Variants in SYNE2 observed in about 807,000 individuals in gnomAD.
SYNE2 encodes the protein nesprin-2.
A neutral mutation model predicts 856.3 loss-of-function variants in SYNE2; 431 were observed. That is an observed-to-expected ratio of 0.50 (90% CI 0.47 to 0.55). The LOEUF is 0.55. Ranked by LOEUF, SYNE2 falls within the 20% of genes least tolerant of loss-of-function variation. The pLI is 0.00. For synonymous variants in SYNE2, 2,923 were observed against 2,872.3 expected, an observed-to-expected ratio of 1.02 and a Z score of -0.56; for missense variants, 8,129 against 8,023.2, an observed-to-expected ratio of 1.01 and a Z score of -0.50.
chr14:63,852,252 G>T (rs1204583398), upstream of SYNE2, among the ~76,000 whole-genome samples: 1 of 152,160 alleles, frequency 6.6e-6, no homozygotes, highest in Non-Finnish European at 1.5e-5. Flanking sequence ...TAGTAATACG[G>T]TAATCACAGC....
At chr14:63,918,543 C>T (rs2095558809) in intron 2 of SYNE2, among the ~76,000 whole-genome samples, 1 of 152,168 alleles carries the variant, frequency 6.6e-6, no homozygotes, top group Non-Finnish European at 1.5e-5. Flanking sequence ...ATATGTGTCT[C>T]TTTGGGAGAG....
At chr14:63,804,483 TTTTCTTTTCC>T (rs1200026730) in intron 1 of SYNE2, among the ~76,000 whole-genome samples, 3 of 152,046 alleles carry the variant, frequency 2.0e-5, no homozygotes, top group Non-Finnish European at 4.4e-5. Context: ...TTTTCTTTTC[TTTTCTTTTCC>T]TTTCTTTTCC....
At position 64,052,539 on chromosome 14, in the gene SYNE2, A is replaced by C. The variant is rs1322044514; in HGVS notation, c.8626A>C (p.Thr2876Pro). ...TEAELKHHHVTLEASQKELQE... is the reference protein window; with the variant it reads ...TEAELKHHHVPLEASQKELQE... The stretch of plus-strand genomic sequence containing the variant: ...AGCTGAACTAAAACATCACCATGTT[A>C]CTTTGGAGGCATCTCAGAAGGAATT... Residue 2876 changes from threonine to proline, a missense_variant, in exon 48 of 116, where the codon ACT becomes CCT. By Grantham distance (38) the Thr-to-Pro change is conservative. Transcript: ENST00000555002. 1.9e-6 allele frequency: 3 copies of C among 1,614,176 alleles called. No homozygotes were observed. In the Admixed American group the frequency reaches 5.0e-5, roughly 27 times the overall value.
chr14:63,907,018 T>G (rs1347761429), intron 1 of SYNE2, among the ~76,000 whole-genome samples: 2 of 152,170 alleles, frequency 1.3e-5, no homozygotes, highest in Non-Finnish European at 2.9e-5. Flanking sequence ...CCCCACCTCC[T>G]AATACCGTGA....
chr14:64,093,487 T>C lies in SYNE2; in HGVS notation c.12108+7T>C. The C allele has an allele frequency of 6.2e-7, 1 of 1,614,122 alleles. No homozygotes were observed. Among genetic ancestry groups the C allele is most frequent in the Non-Finnish European group, 8.5e-7 (1 of 1,179,990 alleles). ...CAAGCTGCCACAACTACAGGTATGT[T>C]TCTTTCATTCATAAAGGTATGTTTC... On this transcript the variant is annotated splice_region_variant and intron_variant, in intron 61 of 115. Transcript: ENST00000555002.
intron 45 of SYNE2, among the ~76,000 whole-genome samples, chr14:64,036,551 A>T (rs2097092130): frequency 1.3e-5 from 2 of 152,030 alleles, no homozygotes; most frequent in South Asian, 4.2e-4. Context: ...GGCCTCCTAA[A>T]ATGCTGGGAT....
In SYNE2 at chr14:63,946,045, C is replaced by T. The variant is rs145841769; in HGVS notation, c.409-3780C>T. The stretch of plus-strand genomic sequence containing the variant: ...AATTTATACTCACCAGAGTTTCTTG[C>T]TCCAATCCCTGTTGCTAATACTTGG... On this transcript the variant is annotated intron_variant, in intron 6 of 115. Coordinates refer to ENST00000555002, the MANE Select transcript of SYNE2 (RefSeq NM_182914.3). 5.2e-3 allele frequency among the ~76,000 whole-genome samples: 789 copies of T among 152,264 alleles called. 5 individuals carry two copies. Among genetic ancestry groups the T allele is most frequent in the African/African-American group, 0.018 (748 of 41,560 alleles).
intron 1 of SYNE2, among the ~76,000 whole-genome samples, chr14:63,779,964 A>C (rs1237001743): frequency 6.6e-6 from 1 of 152,206 alleles, no homozygotes; most frequent in African/African-American, 2.4e-5. Context: ...ATGAATAAGT[A>C]AAACTTTCAG....
At chr14:64,007,331 C>A in intron 31 of SYNE2, 109 bp downstream of exon 31, 3 of 1,019,698 alleles carry the variant, frequency 2.9e-6, no homozygotes, top group Non-Finnish European at 1.6e-6. Context: ...AAAGGAGGGA[C>A]AAACATAAGG....
chr14:63,932,324 G>T (rs2095768450), intron 2 of SYNE2, among the ~76,000 whole-genome samples: 1 of 152,226 alleles, frequency 6.6e-6, no homozygotes, highest in African/African-American at 2.4e-5. Flanking sequence ...GGAGGTTGCA[G>T]TGAGCCGAGA....
chr14:64,224,362 C>G (rs946678134), intron 113 of SYNE2, 99 bp from the exon 114 acceptor site: 1 of 1,190,158 alleles, frequency 8.4e-7, no homozygotes, highest in African/African-American at 1.5e-5. Flanking sequence ...CAAAACAAAA[C>G]AAAAAAAGAT....
intron 66 of SYNE2, among the ~76,000 whole-genome samples, chr14:64,118,128 T>C (rs779209739): frequency 7.2e-5 from 11 of 152,152 alleles, no homozygotes; most frequent in Non-Finnish European, 1.0e-4. Context: ...TTAAGGAAAA[T>C]TTTTAATTCC....
At chr14:64,214,801 G>A (rs1474784184) in intron 106 of SYNE2, among the ~76,000 whole-genome samples, 2 of 152,092 alleles carry the variant, frequency 1.3e-5, no homozygotes, top group Non-Finnish European at 2.9e-5. Context: ...GTGCAGTGGT[G>A]CGACCACGGC....
intron 1 of SYNE2, among the ~76,000 whole-genome samples, chr14:63,907,119 T>C (rs76925905): frequency 0.015 from 2,225 of 152,330 alleles, 49 homozygotes; most frequent in African/African-American, 0.05. Flanking sequence ...TCTCCAGCTT[T>C]AAGTGATGGG....
intron 6 of SYNE2, among the ~76,000 whole-genome samples, chr14:63,949,203 T>C (rs1223124284): frequency 6.6e-6 from 1 of 152,174 alleles, no homozygotes; most frequent in African/African-American, 2.4e-5. Context: ...AATTTGTACA[T>C]TTACTAGCAA....
At chr14:63,824,011 A>T (rs1448367497) in intron 1 of SYNE2, among the ~76,000 whole-genome samples, 2 of 152,186 alleles carry the variant, frequency 1.3e-5, no homozygotes, top group Admixed American at 6.6e-5. Flanking sequence ...CAACAGGGTG[A>T]TTATGGTAAA....
At chr14:63,999,360 C>T (rs2096736829) in intron 27 of SYNE2, among the ~76,000 whole-genome samples, 2 of 152,198 alleles carry the variant, frequency 1.3e-5, no homozygotes, top group African/African-American at 4.8e-5. Context: ...TGATCAAAAA[C>T]AATGTGTTTG....
chr14:64,122,017 G>A lies in SYNE2; in HGVS notation c.13164G>A (p.Leu4388=). The A allele has an allele frequency of 6.2e-7, 1 of 1,613,460 alleles. No homozygotes were observed. Among genetic ancestry groups the A allele is most frequent in the Admixed American group, 1.7e-5 (1 of 60,014 alleles). The change falls in exon 69 of 116, where the codon CTG becomes CTA. Residue 4388 remains leucine, a synonymous_variant. Coordinates refer to ENST00000555002, the MANE Select transcript of SYNE2 (RefSeq NM_182914.3). ...TGAATCTCATTCAATTACAGGTTCT[G>A]GAGTTAAAACCAATGGAACAGAAAG... ...RQKDFQQQQV[L]ELKPMEQKDF...
At chr14:63,882,099 T>C (rs958444170) in intron 1 of SYNE2, among the ~76,000 whole-genome samples, 1 of 152,060 alleles carries the variant, frequency 6.6e-6, no homozygotes, top group African/African-American at 2.4e-5. Context: ...TAGATCCTTG[T>C]GTAATAGCAG....
Sources: gnomAD v4.1 joint callset for allele counts (sites outside exome capture counted in the v4.1 genomes callset) on GRCh38, gnomAD v4.1.1 for gene constraint, MANE v1.5 for transcripts, NCBI Gene and HGNC (gene_info 2026-07-23, HGNC 2026-07-21) for gene names.